TTN: variants seen among roughly 807,000 people sequenced by gnomAD.
TTN encodes connectin.
In TTN, 1,525 loss-of-function variants were observed where a neutral mutation model predicts 3,223.0. The observed-to-expected ratio is 0.47, with a 90% CI of 0.45 to 0.49. The LOEUF (loss-of-function observed/expected upper bound fraction) is 0.49. TTN is among the 20% of genes least tolerant of loss of function. The pLI, the probability that TTN is intolerant of heterozygous loss-of-function variation, is 0.00. For synonymous variants in TTN, 14,094 were observed against 15,161.0 expected (o/e 0.93, Z 5.17); for missense variants, 40,786 against 43,424.0 (o/e 0.94, Z 5.40).
At position 178,585,367 on chromosome 2, in the gene TTN, A is replaced by G. The variant is rs1251865484; in HGVS notation, c.64397-20T>C. On this transcript the variant is annotated intron_variant, in intron 308 of 362. Coordinates refer to ENST00000589042, the MANE Select transcript of TTN (RefSeq NM_001267550.2). ...GTGGCACTGAAAGTAAAATGAAAAG[A>G]TATTAATTTTGGGAAGGTGGATAAG... 3 of 1,544,658 alleles carry G rather than the reference A, an allele frequency of 1.9e-6. No individual in the cohort carries two copies. The highest frequency in any genetic ancestry group is 2.8e-5 in the African/African-American group (2 of 72,244).
Position 178,597,222 on chromosome 2 carries a change from T to C in TTN, c.57544+316A>G, listed in dbSNP as rs191263946. Among the ~76,000 whole-genome samples, 57 of 152,236 alleles carry C rather than the reference T, an allele frequency of 3.7e-4. 1 individual carries two copies. The East Asian group carries it at 0.011, about 28-fold the overall frequency. ...ATTCTGGGCCATGATTCAGAATACA[T>C]ATTCATGGCCTTCTAGCAATTTGAG... On this transcript the variant is annotated intron_variant, in intron 294 of 362. Coordinates refer to ENST00000589042, the MANE Select transcript of TTN (RefSeq NM_001267550.2).
chr2:178,635,064 A>G, intron 228 of TTN, 101 bp downstream of exon 228: 1 of 1,516,570 alleles, frequency 6.6e-7, no homozygotes, highest in African/African-American at 1.4e-5. Flanking sequence ...GACTCCATTA[A>G]CTCCATTATT....
chr2:178,582,252 A>C (rs746502052), intron 314 of TTN, 44 bp from the exon 315 acceptor site: 44 of 1,576,074 alleles, frequency 2.8e-5, no homozygotes, highest in Non-Finnish European at 3.7e-5. Context: ...GCTAAAAGAT[A>C]ATTTTAAAAA....
chr2:178,530,152 A>T, intron 358 of TTN, 36 bp from the exon 359 acceptor site: 1 of 1,567,742 alleles, frequency 6.4e-7, no homozygotes, highest in South Asian at 1.2e-5. Flanking sequence ...TTAAAAAGTG[A>T]TTTCATTTTA....
chr2:178,779,817 T>G (rs2092605272), intron 22 of TTN, 183 bp downstream of exon 22: 1 of 622,056 alleles, frequency 1.6e-6, no homozygotes, highest in African/African-American at 1.8e-5. Flanking sequence ...CTATATGTAA[T>G]CTCTATTTCT....
chr2:178,606,188 A>C (rs1032789219), intron 278 of TTN, among the ~76,000 whole-genome samples: 2 of 152,002 alleles, frequency 1.3e-5, no homozygotes, highest in African/African-American at 4.8e-5. Flanking sequence ...ATGCTGCTGA[A>C]GTTTTCTTTC....
rs775769503 is a variant in TTN at position 178,537,143 on chromosome 2, C to A, written c.99966G>T (p.Trp33322Cys). The change falls in exon 356 of 363, where the codon TGG (tryptophan) becomes TGT (cysteine). Residue 33322 changes from tryptophan (W) to cysteine (C), a missense_variant. Transcript: ENST00000589042. Reference sequence around the variant, plus strand: ...ATTTTTCCACCACATAGTTGGTGATCCAGGAGCCTCCGTCATCTGCGGGTG... The same window carrying A: ...ATTTTTCCACCACATAGTTGGTGATACAGGAGCCTCCGTCATCTGCGGGTG... ...WKPPADDGGS[W>C]ITNYVVEKCE... 1.1e-4 allele frequency: 176 copies of A among 1,613,474 alleles called. 2 individuals are homozygous for A. The highest frequency in any genetic ancestry group is 8.2e-4 in the Middle Eastern group (5 of 6,082).
In TTN at chr2:178,722,752, T is replaced by TA; in HGVS notation, c.22146dup (p.Asn7383Ter). 1 of 1,613,292 alleles carries TA rather than the reference T, an allele frequency of 6.2e-7. No individual in the cohort carries two copies. The highest frequency in any genetic ancestry group is 8.5e-7 in the Non-Finnish European group (1 of 1,179,526). On this transcript the variant is annotated frameshift_variant, in exon 76 of 363. Transcript: ENST00000589042. LOFTEE classifies it high-confidence loss of function. Reference sequence around the variant, plus strand: ...CCACTGTCATTGATGTTCACTTTATTAAAAACAAGTGTGGCCACATTGTTT... The same window carrying TA: ...CCACTGTCATTGATGTTCACTTTATTAAAAAACAAGTGTGGCCACATTGTTT...
chr2:178,688,730 T>G lies in TTN; in HGVS notation c.32144A>C (p.Glu10715Ala). 6.2e-7 allele frequency: 1 copy of G among 1,613,890 alleles called. No individual in the cohort carries two copies. Among genetic ancestry groups the G allele is most frequent in the Non-Finnish European group, 8.5e-7 (1 of 1,179,784 alleles). The change falls in exon 126 of 363, where the codon GAA becomes GCA. Residue 10715 changes from glutamate (E) to alanine (A), a missense_variant. Physicochemically the swap from Glu to Ala is moderately radical, Grantham distance 107. Coordinates refer to ENST00000589042, the MANE Select transcript of TTN (RefSeq NM_001267550.2). Reference protein sequence around the residue: ...TVVEEKRFVAEEKLSFAVPQR... With the variant: ...TVVEEKRFVAAEKLSFAVPQR... ...AGGAACTGCGAAGGATAGTTTTTCTTCAGCAACAAATCTCTTTTCTTCTAC... is the reference window on the plus strand; with the variant it reads ...AGGAACTGCGAAGGATAGTTTTTCTGCAGCAACAAATCTCTTTTCTTCTAC...
At chr2:178,754,566 A>C (rs1561067705) in intron 46 of TTN, among the ~76,000 whole-genome samples, 1 of 152,148 alleles carries the variant, frequency 6.6e-6, no homozygotes, top group African/African-American at 2.4e-5. Context: ...AGAGATCTAC[A>C]TTTCTCCCAC....
rs1319619492 is a variant in TTN at position 178,695,405 on chromosome 2, G to A, written c.31213C>T (p.His10405Tyr). 6.2e-7 allele frequency: 1 copy of A among 1,611,860 alleles called. No individual in the cohort carries two copies. Among genetic ancestry groups the A allele is most frequent in the Non-Finnish European group, 8.5e-7 (1 of 1,178,514 alleles). Reference sequence around the variant, plus strand: ...ACTTTGGCTGGAACTTTTCTCTCATGTGATTCTGAAATAAAAACACAGGAA... The same window carrying A: ...ACTTTGGCTGGAACTTTTCTCTCATATGATTCTGAAATAAAAACACAGGAA... ...QVQKEVYEES[H>Y]ERKVPAKVPE... Residue 10405 changes from histidine to tyrosine, a missense_variant, in exon 115 of 363, where the codon CAT (histidine) becomes TAT (tyrosine). His to Tyr is a moderately conservative substitution (Grantham distance 83). Transcript: ENST00000589042.
At chr2:178,688,579 G>A in intron 126 of TTN, 98 bp downstream of exon 126, 2 of 853,990 alleles carry the variant, frequency 2.3e-6, no homozygotes, top group South Asian at 1.4e-5. Context: ...AATAACTGAT[G>A]AGGACATGTT....
rs879089372 is a variant in TTN at position 178,644,578 on chromosome 2, G to A, written c.40447C>T (p.Pro13483Ser). 2 of 1,582,872 alleles carry A rather than the reference G, an allele frequency of 1.3e-6. No individual in the cohort carries two copies. Among genetic ancestry groups the A allele is most frequent in the African/African-American group, 2.7e-5 (2 of 72,882 alleles). The change falls in exon 218 of 363, where the codon CCA becomes TCA. Residue 13483 changes from proline (P) to serine (S), a missense_variant. By Grantham distance (74) the Pro-to-Ser change is moderately conservative (BLOSUM62 -1). Transcript: ENST00000589042. The stretch of plus-strand genomic sequence containing the variant: ...AGAGGTGTAAGCTCCACTTTTTCTG[G>A]AACCTGAGGTTTTTCAGGAACTTTC... ...KKKVPEKPQV[P>S]EKVELTPLKV...
At chr2:178,698,946 A>G (rs1293851116) in intron 111 of TTN, 32 bp from the exon 112 acceptor site, 5 of 1,487,106 alleles carry the variant, frequency 3.4e-6, no homozygotes, top group Non-Finnish European at 4.4e-6. Context: ...AAAAAAGAAA[A>G]AATATTTCTG....
Position 178,757,726 on chromosome 2 carries a change from C to G in TTN, c.10494G>C (p.Trp3498Cys). The G allele has an allele frequency of 6.2e-7, 1 of 1,613,812 alleles. No individual in the cohort carries two copies. Among genetic ancestry groups the G allele is most frequent in the Non-Finnish European group, 8.5e-7 (1 of 1,179,808 alleles). The change falls in exon 45 of 363, where the codon TGG becomes TGC. Residue 3498 changes from tryptophan (W) to cysteine (C), a missense_variant. Transcript: ENST00000589042. ...GTAGAATTAGCTGCTGGTTATGAAA[C>G]CATTGGATTTCTGGCTTGGGAATGC... ...VSGIPKPEIQ[W>C]FHNQQLILPT...
rs1371108599 is a variant in TTN, at chr2:178,725,531, C to T, written c.20673G>A (p.Lys6891=). The T allele has an allele frequency of 3.1e-6, 5 of 1,613,172 alleles. No individual in the cohort carries two copies. Among genetic ancestry groups the T allele is most frequent in the Non-Finnish European group, 4.2e-6 (5 of 1,179,440 alleles). ...QPIFVQWLKE[K]EEVIRESENI... ...TTTCACTTTCTCTAATCACTTCTTC[C>T]TTCTCTTTAAGCCACTGGACAAAAA... is the stretch of plus-strand genomic sequence containing the variant. The change falls in exon 71 of 363, where the codon AAG becomes AAA. Residue 6891 remains lysine, a synonymous_variant. Coordinates refer to ENST00000589042, the MANE Select transcript of TTN (RefSeq NM_001267550.2).
chr2:178,788,372 G>C (rs1160418002), intron 13 of TTN, among the ~76,000 whole-genome samples: 1 of 151,908 alleles, frequency 6.6e-6, no homozygotes, highest in Non-Finnish European at 1.5e-5. Context: ...AAATTTGAAT[G>C]GAAACAAAAG....
intron 45 of TTN, 131 bp downstream of exon 45, chr2:178,757,411 A>T: frequency 7.7e-6 from 9 of 1,176,134 alleles, no homozygotes; most frequent in Non-Finnish European, 1.0e-5. Flanking sequence ...GAGTTATTGC[A>T]TGTTATTTTA....
intron 241 of TTN, among the ~76,000 whole-genome samples, 173 bp downstream of exon 241, chr2:178,625,100 T>C (rs980867942): frequency 6.6e-6 from 1 of 151,964 alleles, no homozygotes; most frequent in African/African-American, 2.4e-5. Context: ...ATTTTGGCTC[T>C]TTAAAAAGAT....
Sources: allele counts gnomAD v4.1 joint callset (sites outside exome capture counted in the v4.1 genomes callset), GRCh38; gene constraint gnomAD v4.1.1; transcripts MANE v1.5; gene names NCBI Gene and HGNC (gene_info 2026-07-23, HGNC 2026-07-21).